Variants in MIR2052HG observed in about 807,000 individuals in gnomAD.
MIR2052HG encodes the protein MIR2052 host gene.
chr8:74,619,425 A>G (rs1325954343), intron 2 of MIR2052HG, among the ~76,000 whole-genome samples: 3 of 152,200 alleles, frequency 2.0e-5, no homozygotes, highest in Non-Finnish European at 4.4e-5. Context: ...AGACTCATAG[A>G]CCAATTATAT....
rs113291176 is a variant in MIR2052HG, at chr8:74,674,144, G to A, written n.217-28235G>A. On this transcript the variant is annotated intron_variant and non_coding_transcript_variant, in intron 2 of 6. Transcript: ENST00000523442. The stretch of plus-strand genomic sequence containing the variant: ...GGTTATACCAGAGGTTTTTGTGTGT[G>A]TGTGTGTGTGTGTGTGTGTGTGTAT... Among the ~76,000 whole-genome samples the A allele has an allele frequency of 3.0e-4, 42 of 139,676 alleles. No homozygotes were observed. In the Middle Eastern group the frequency reaches 0.022, roughly 73 times the overall value. 91.6% of individuals were successfully genotyped at this position (139,676 alleles called of 152,430 possible).
At chr8:74,697,379 C>T (rs561754651) in intron 2 of MIR2052HG, among the ~76,000 whole-genome samples, 25 of 152,042 alleles carry the variant, frequency 1.6e-4, no homozygotes, top group East Asian at 3.9e-4. Context: ...TTATATTGAA[C>T]GGGGAAAGTT....
rs1808041801 is a variant in MIR2052HG, at chr8:74,602,877, T to TTTC, written n.128+2971_128+2973dup. ...TCTTTCTTTCTTTCTTTCTTTCTTTTTTCTATTCACAAAGAAAAAGCTCCA... is the reference window on the plus strand; with the variant it reads ...TCTTTCTTTCTTTCTTTCTTTCTTTTTTCTTCTATTCACAAAGAAAAAGCTCCA... On this transcript the variant is annotated intron_variant and non_coding_transcript_variant, in intron 1 of 6. Coordinates refer to ENST00000523442, the Ensembl canonical transcript of MIR2052HG. 4.9e-3 allele frequency among the ~76,000 whole-genome samples: 262 copies of TTTC among 53,712 alleles called. 25 individuals are homozygous for TTTC. Among genetic ancestry groups the TTTC allele is most frequent in the East Asian group, 9.2e-3 (27 of 2,932 alleles). The allele number at this position is 53,712 out of a possible 152,430, so 35.2% of individuals were successfully genotyped here.
At chr8:74,612,851 A>G (rs1239695025) in intron 1 of MIR2052HG, 7 of 454,874 alleles carry the variant, frequency 1.5e-5, no homozygotes, top group South Asian at 9.3e-5. Flanking sequence ...GTTTTTCTGC[A>G]GTTCCCGAGA....
chr8:74,616,695 C>T (rs1808287075), intron 2 of MIR2052HG, among the ~76,000 whole-genome samples: 2 of 152,004 alleles, frequency 1.3e-5, no homozygotes, highest in African/African-American at 4.8e-5. Context: ...AGTAAACATA[C>T]ATTAAAGGCT....
intron 2 of MIR2052HG, among the ~76,000 whole-genome samples, chr8:74,669,063 C>A (rs187922075): frequency 3.3e-4 from 50 of 152,260 alleles, no homozygotes; most frequent in African/African-American, 1.2e-3. Context: ...ACTTTATTTC[C>A]TTGAACTTGA....
intron 2 of MIR2052HG, among the ~76,000 whole-genome samples, chr8:74,661,235 T>C (rs1355641322): frequency 1.4e-5 from 2 of 145,840 alleles, no homozygotes; most frequent in African/African-American, 5.0e-5. Context: ...AGAGTCTCAC[T>C]CTGTTGCCCA....
intron 5 of MIR2052HG, among the ~76,000 whole-genome samples, chr8:74,754,642 C>A (rs1364107677): frequency 6.6e-6 from 1 of 152,126 alleles, no homozygotes; most frequent in Non-Finnish European, 1.5e-5. Flanking sequence ...GTTTTCAGCC[C>A]CAGACTACAG....
intron 2 of MIR2052HG, among the ~76,000 whole-genome samples, chr8:74,620,451 G>A (rs1275324424): frequency 6.6e-6 from 1 of 152,210 alleles, no homozygotes; most frequent in Non-Finnish European, 1.5e-5. Flanking sequence ...TGCCCCTGCA[G>A]GAAACTTCTG....
intron 2 of MIR2052HG, among the ~76,000 whole-genome samples, chr8:74,695,714 G>A (rs1291848030): frequency 6.6e-6 from 1 of 151,752 alleles, no homozygotes; most frequent in East Asian, 1.9e-4. Context: ...AAAAGACAAA[G>A]AAAGATATTA....
chr8:74,644,180 G>A (rs1808667940), intron 2 of MIR2052HG, among the ~76,000 whole-genome samples: 2 of 152,266 alleles, frequency 1.3e-5, no homozygotes, highest in South Asian at 2.1e-4. Flanking sequence ...GTCACATTGT[G>A]CATTTTTAGG....
chr8:74,724,881 C>A (rs1162605220), intron 4 of MIR2052HG, among the ~76,000 whole-genome samples: 1 of 152,010 alleles, frequency 6.6e-6, no homozygotes, highest in East Asian at 1.9e-4. Flanking sequence ...CTTTACCTGG[C>A]ATTTGTATTG....
intron 4 of MIR2052HG, among the ~76,000 whole-genome samples, chr8:74,721,031 GC>G (rs1392530680): frequency 6.6e-6 from 1 of 152,166 alleles, no homozygotes; most frequent in African/African-American, 2.4e-5. Context: ...AGGACACAGA[GC>G]CAAACCATAT....
chr8:74,710,135 T>A (rs1218134940), intron 4 of MIR2052HG, among the ~76,000 whole-genome samples: 1 of 152,150 alleles, frequency 6.6e-6, no homozygotes, highest in Non-Finnish European at 1.5e-5. Flanking sequence ...TTTGCATTAT[T>A]CTTCCTGGAA....
chr8:74,602,580 C>T lies in MIR2052HG; in HGVS notation n.128+2672C>T, dbSNP rs183372215. Among the ~76,000 whole-genome samples, 1,054 of 150,978 alleles carry T rather than the reference C, an allele frequency of 7.0e-3. 31 individuals carry two copies. Among genetic ancestry groups the T allele is most frequent in the Admixed American group, 0.047 (717 of 15,182 alleles). On this transcript the variant is annotated intron_variant and non_coding_transcript_variant, in intron 1 of 6. Transcript: ENST00000523442. ...AGGCTGGAGTGCAGTGGCGCGATCTCGGCTCTCTGCAACCTCTGCCTCCTG... is the reference window on the plus strand; with the variant it reads ...AGGCTGGAGTGCAGTGGCGCGATCTTGGCTCTCTGCAACCTCTGCCTCCTG...
At chr8:74,618,183 T>C (rs534693129) in intron 2 of MIR2052HG, among the ~76,000 whole-genome samples, 1 of 152,376 alleles carries the variant, frequency 6.6e-6, no homozygotes, top group East Asian at 1.9e-4. Context: ...TTTTCTCAAA[T>C]GCTTCTGATC....
chr8:74,686,419 T>C (rs1235613288), intron 2 of MIR2052HG, among the ~76,000 whole-genome samples: 1 of 152,034 alleles, frequency 6.6e-6, no homozygotes. Flanking sequence ...GAGAGCTTGA[T>C]TTGTAGAACC....
At chr8:74,687,690 T>C (rs1273913656) in intron 2 of MIR2052HG, among the ~76,000 whole-genome samples, 1 of 151,978 alleles carries the variant, frequency 6.6e-6, no homozygotes, top group South Asian at 2.1e-4. Flanking sequence ...GTGAGGGAAA[T>C]AGGGACTTGT....
At chr8:74,701,704 A>G (rs1450573866) in intron 2 of MIR2052HG, among the ~76,000 whole-genome samples, 2 of 152,144 alleles carry the variant, frequency 1.3e-5, no homozygotes, top group Non-Finnish European at 2.9e-5. Context: ...AGTCTACTAA[A>G]TAATTTGATT....
Sources: allele counts gnomAD v4.1 joint callset (sites outside exome capture counted in the v4.1 genomes callset), GRCh38; gene constraint gnomAD v4.1.1; transcripts MANE v1.5; gene names NCBI Gene and HGNC (gene_info 2026-07-23, HGNC 2026-07-21).